NUP58: variants seen among roughly 807,000 people sequenced by gnomAD.
NUP58 encodes the protein nucleoporin p58/p45.
In NUP58, 17 loss-of-function variants were observed where a neutral mutation model predicts 70.1. That is an observed-to-expected ratio of 0.24 (90% CI 0.17 to 0.36). NUP58 has a LOEUF of 0.36. Among genes scored for constraint, NUP58 ranks in the 10% least tolerant of loss-of-function variants. The probability of loss-of-function intolerance (pLI) is 1.00; values close to 1 mark genes in which losing one functional copy is unlikely to be tolerated. For missense variants in NUP58, 644 were observed against 701.5 expected (o/e 0.92, Z 0.93); for synonymous variants, 275 against 257.6 (o/e 1.07, Z -0.65).
At chr13:25,343,759 T>C (rs1269961299), downstream of NUP58, among the ~76,000 whole-genome samples, 1 of 150,324 alleles carries the variant, frequency 6.7e-6, no homozygotes, top group Non-Finnish European at 1.5e-5. Context: ...GCCCAGCCAA[T>C]TCATCCATTC....
At chr13:25,345,853 A>G (rs2032042855), downstream of NUP58, among the ~76,000 whole-genome samples, 1 of 152,168 alleles carries the variant, frequency 6.6e-6, no homozygotes, top group South Asian at 2.1e-4. Context: ...TAATGGAAAA[A>G]TTGACTGTGG....
At chr13:25,304,778 C>T (rs2030234685) in intron 1 of NUP58, among the ~76,000 whole-genome samples, 1 of 151,766 alleles carries the variant, frequency 6.6e-6, no homozygotes, top group African/African-American at 2.4e-5. Context: ...GATCCATCCA[C>T]CTTGGCATCC....
chr13:25,301,806 T>C lies in NUP58; in HGVS notation c.33T>C (p.Thr11=). The C allele has an allele frequency of 1.2e-6, 2 of 1,613,650 alleles. No homozygotes were observed. Among genetic ancestry groups the C allele is most frequent in the Non-Finnish European group, 1.7e-6 (2 of 1,179,860 alleles). MSTGFSFGSG[T]LGSTTVAAGG... ...CAGGGTTCTCCTTCGGGTCCGGGAC[T>C]CTGGGCTCCACCACCGTGGCCGCCG... is the stretch of plus-strand genomic sequence containing the variant. Residue 11 remains threonine, a synonymous_variant, in exon 1 of 16, where the codon ACT becomes ACC. Coordinates refer to ENST00000381736, the MANE Select transcript of NUP58 (RefSeq NM_014089.4).
Position 25,332,705 on chromosome 13 carries a change from A to G in NUP58, c.1435+1147A>G, listed in dbSNP as rs895027612. The G allele has an allele frequency of 3.0e-5, 30 of 985,312 alleles. No homozygotes were observed. The Admixed American group carries it at 3.1e-4, about 10-fold the overall frequency. 61.0% of individuals were successfully genotyped at this position (985,312 alleles called of 1,614,324 possible). A position where few individuals can be genotyped will look rare whatever the true frequency, so the allele number is the denominator to read the frequency against. On this transcript the variant is annotated intron_variant, in intron 13 of 15. Coordinates refer to ENST00000381736, the MANE Select transcript of NUP58 (RefSeq NM_014089.4). ...GATAGATTTATGCCAAATCCTCCAT[A>G]TCCCGTGGCTGGACCCATGTGAATA...
At chr13:25,312,856 T>C in intron 3 of NUP58, 27 bp from the exon 4 acceptor site, 1 of 1,557,444 alleles carries the variant, frequency 6.4e-7, no homozygotes, top group South Asian at 1.2e-5. Flanking sequence ...TTTGTTTGTT[T>C]GTTTATTCAT....
chr13:25,328,470 A>G (rs1188808901), intron 12 of NUP58, among the ~76,000 whole-genome samples: 1 of 141,078 alleles, frequency 7.1e-6, no homozygotes, highest in African/African-American at 2.7e-5. Context: ...ATCTTGGTTC[A>G]CTGCAACCTC....
chr13:25,343,948 A>G (rs1274430570), downstream of NUP58, among the ~76,000 whole-genome samples: 3 of 151,906 alleles, frequency 2.0e-5, no homozygotes, highest in African/African-American at 7.3e-5. Context: ...CTGGAAATAA[A>G]TTGCTGAAAA....
intron 3 of NUP58, among the ~76,000 whole-genome samples, chr13:25,310,205 A>C (rs2030586393): frequency 1.2e-5 from 1 of 85,802 alleles, no homozygotes; most frequent in Non-Finnish European, 2.2e-5. Context: ...ACCCTTGGCT[A>C]ATTTTTTTTT....
downstream of NUP58, among the ~76,000 whole-genome samples, chr13:25,342,732 T>G (rs1013989417): frequency 5.3e-5 from 8 of 152,176 alleles, no homozygotes; most frequent in South Asian, 2.1e-4. Context: ...TGTAGACCCT[T>G]TTAAATATGT....
chr13:25,349,459 G>C (rs1353822704), intron 3 of NUP58: 1 of 152,474 alleles, frequency 6.6e-6, no homozygotes, highest in Non-Finnish European at 1.5e-5. Flanking sequence ...GATTAAAATG[G>C]TTTAGCTTAC....
rs1315127288 is a variant in NUP58, at chr13:25,340,616, G to C, written c.*482G>C. Reference sequence around the variant, plus strand: ...TATACAGAATAATACACACAGTTGTGTGTGCATATAAAATACATATTTACG... The same window carrying C: ...TATACAGAATAATACACACAGTTGTCTGTGCATATAAAATACATATTTACG... On this transcript the variant is annotated 3_prime_UTR_variant, in exon 16 of 16. Coordinates refer to ENST00000381736, the MANE Select transcript of NUP58 (RefSeq NM_014089.4). The C allele has an allele frequency of 6.6e-6, 1 of 152,228 alleles. No homozygotes were observed. 9.4% of individuals were successfully genotyped at this position (152,228 alleles called of 1,614,324 possible).
In NUP58 at chr13:25,301,678, G is replaced by A; in HGVS notation, c.-96G>A. 1 of 615,382 alleles carries A rather than the reference G, an allele frequency of 1.6e-6. No individual in the cohort carries two copies. Among genetic ancestry groups the A allele is most frequent in the Non-Finnish European group, 2.6e-6 (1 of 385,266 alleles). The allele number at this position is 615,382 out of a possible 1,614,324, so 38.1% of individuals were successfully genotyped here. A position where few individuals can be genotyped will look rare whatever the true frequency, so the allele number is the denominator to read the frequency against. On this transcript the variant is annotated 5_prime_UTR_variant, in exon 1 of 16. Coordinates refer to ENST00000381736, the MANE Select transcript of NUP58 (RefSeq NM_014089.4). ...GAAGTTCCCGCCAGGTCCGTGCCGG[G>A]CGAGAGAGATGCTGCCCGGCCCGCC... is the stretch of plus-strand genomic sequence containing the variant.
chr13:25,339,866 A>T, intron 15 of NUP58, 99 bp from the exon 16 acceptor site: 1 of 1,005,030 alleles, frequency 9.9e-7, no homozygotes, highest in Non-Finnish European at 1.5e-6. Flanking sequence ...CTTACAGATT[A>T]TGTATTCTTT....
intron 6 of NUP58, among the ~76,000 whole-genome samples, chr13:25,316,043 T>A (rs1008575655): frequency 6.6e-6 from 1 of 152,210 alleles, no homozygotes; most frequent in Admixed American, 6.5e-5. Flanking sequence ...TTATTATCAA[T>A]GCTTGTTTAT....
Position 25,312,902 on chromosome 13 carries a change from T to C in NUP58, c.306T>C (p.Ser102=). 1 of 1,612,746 alleles carries C rather than the reference T, an allele frequency of 6.2e-7. No homozygotes were observed. Among genetic ancestry groups the C allele is most frequent in the South Asian group, 1.1e-5 (1 of 90,832 alleles). Residue 102 remains serine, a synonymous_variant, in exon 4 of 16, where the codon TCT becomes TCC. Coordinates refer to ENST00000381736, the MANE Select transcript of NUP58 (RefSeq NM_014089.4). ...AAATAGGAACGCCAGCCACTACATC[T>C]GCAGCTACAACAGGCTTCAGTTTAG... The part of the protein sequence containing the change: ...GLTLGTPATT[S]AATTGFSLGF...
rs777379832 is a variant in NUP58, at chr13:25,340,162, A to T, written c.*28A>T. On this transcript the variant is annotated 3_prime_UTR_variant, in exon 16 of 16. Coordinates refer to ENST00000381736, the MANE Select transcript of NUP58 (RefSeq NM_014089.4). ...ATGGGTTGATGTGTTGAGAGAATCCATAGCAGCACCGTTCATTCTATGAGT... is the reference window on the plus strand; with the variant it reads ...ATGGGTTGATGTGTTGAGAGAATCCTTAGCAGCACCGTTCATTCTATGAGT... 7.0e-6 allele frequency: 11 copies of T among 1,565,270 alleles called. No individual in the cohort carries two copies. The African/African-American group carries it at 1.4e-4, about 20-fold the overall frequency.
At chr13:25,346,434 A>G (rs775274093), downstream of NUP58, among the ~76,000 whole-genome samples, 5 of 152,172 alleles carry the variant, frequency 3.3e-5, no homozygotes, top group Non-Finnish European at 5.9e-5. Flanking sequence ...AAAGGGATAC[A>G]AGAAGGCCAG....
At position 25,339,068 on chromosome 13, in the gene NUP58, T is replaced by A. The variant is rs187687422; in HGVS notation, c.1630+337T>A. ...AAAGGAACCCATCATTGTGAAAGTT[T>A]AAGTTTTTTGTCATAATTCATCCTG... On this transcript the variant is annotated intron_variant, in intron 15 of 15. Transcript: ENST00000381736. 2.6e-4 allele frequency among the ~76,000 whole-genome samples: 40 copies of A among 152,328 alleles called. 1 individual carries two copies. Among genetic ancestry groups the A allele is most frequent in the Admixed American group, 2.4e-3 (37 of 15,304 alleles).
downstream of NUP58, among the ~76,000 whole-genome samples, chr13:25,344,555 A>G (rs1197772760): frequency 6.6e-6 from 1 of 152,054 alleles, no homozygotes. Context: ...CTATTCTAGG[A>G]CACTTAGTCT....
Sources: gnomAD v4.1 joint callset for allele counts (sites outside exome capture counted in the v4.1 genomes callset) on GRCh38, gnomAD v4.1.1 for gene constraint, MANE v1.5 for transcripts, NCBI Gene and HGNC (gene_info 2026-07-23, HGNC 2026-07-21) for gene names.